The following CUX1 variants were observed in gnomAD, a reference collection of about 807,000 sequenced individuals.
CUX1 encodes the protein protein CASP.
In CUX1, 31 loss-of-function variants were observed where a neutral mutation model predicts 158.8. That is an observed-to-expected ratio of 0.20 (90% confidence interval 0.15 to 0.26). The LOEUF is 0.26. Among genes scored for constraint, CUX1 ranks in the 10% least tolerant of loss-of-function variants. The pLI is 1.00. For synonymous variants in CUX1, 879 were observed against 862.1 expected (o/e 1.02, Z -0.34); for missense variants, 1,589 against 2,014.6 (o/e 0.79, Z 4.04).
chr7:101,916,190 G>A lies in CUX1; in HGVS notation c.106G>A (p.Glu36Lys), dbSNP rs1404930496. 1.2e-6 allele frequency: 2 copies of A among 1,613,830 alleles called. No individual in the cohort carries two copies. Among genetic ancestry groups the A allele is most frequent in the Non-Finnish European group, 1.7e-6 (2 of 1,179,818 alleles). The stretch of plus-strand genomic sequence containing the variant: ...TGAGCAGTCCAGAAAGCGGCTTATC[G>A]AACAGAGCCGGGAGTTCAAGAAGAA... The part of the protein sequence containing the change: ...ESEQSRKRLI[E>K]QSREFKKNTP... Residue 36 changes from glutamate to lysine, a missense_variant, in exon 2 of 24, where the codon GAA (glutamate) becomes AAA (lysine). Physicochemically the swap from Glu to Lys is moderately conservative, Grantham distance 56. Around this residue, in one of 8 missense-constraint regions of CUX1, gnomAD observed 63 missense variants for 109.2 expected, o/e 0.58. Coordinates refer to ENST00000292535, the MANE Select transcript of CUX1 (RefSeq NM_181552.4). This position sits in a 1 kb window ranked among gnomAD's most constrained non-coding sequence, Gnocchi z 4.4.
rs1554541523 is a variant in CUX1, at chr7:102,254,969, T to TA, written c.*5928dup. 1 of 985,286 alleles carries TA rather than the reference T, an allele frequency of 1.0e-6. No individual in the cohort carries two copies. The highest frequency in any genetic ancestry group is 1.7e-5 in the African/African-American group (1 of 57,196). 61.0% of individuals were successfully genotyped at this position (985,286 alleles called of 1,614,324 possible). On this transcript the variant is annotated 3_prime_UTR_variant, in exon 24 of 24. Transcript: ENST00000292535. Reference sequence around the variant, plus strand: ...AGAAAGATCCAGTCTGTGAAACCCTTAGAGATGGGCTGAAAGTTAAGTCCA... The same window carrying TA: ...AGAAAGATCCAGTCTGTGAAACCCTTAAGAGATGGGCTGAAAGTTAAGTCCA...
intron 4 of CUX1, among the ~76,000 whole-genome samples, chr7:102,082,466 C>T (rs1294709133): frequency 6.8e-6 from 1 of 147,190 alleles, no homozygotes; most frequent in Non-Finnish European, 1.5e-5. Flanking sequence ...GTACAGTGAG[C>T]CAAGATCGCG....
intron 20 of CUX1, among the ~76,000 whole-genome samples, chr7:102,218,978 A>G (rs1386498680): frequency 2.0e-5 from 3 of 151,174 alleles, no homozygotes; most frequent in Non-Finnish European, 4.4e-5. Flanking sequence ...ACTTGAGCCC[A>G]GGAGGCAGAG....
intron 9 of CUX1, among the ~76,000 whole-genome samples, chr7:102,160,212 C>T (rs1349079059): frequency 6.6e-6 from 1 of 151,880 alleles, no homozygotes; most frequent in South Asian, 2.1e-4. Flanking sequence ...GAAGGAGTTA[C>T]CTTCATCATA....
intron 9 of CUX1, among the ~76,000 whole-genome samples, chr7:102,160,190 A>AT (rs35804196): frequency 0.11 from 16,119 of 151,734 alleles, 1,095 homozygotes; most frequent in Admixed American, 0.17. Flanking sequence ...AAAAAAAAAA[A>AT]AGCAGTTACT....
chr7:101,855,193 T>C (rs1796642137), intron 1 of CUX1, among the ~76,000 whole-genome samples: 1 of 152,258 alleles, frequency 6.6e-6, no homozygotes, highest in Admixed American at 6.5e-5. Context: ...ACCCCGTCCC[T>C]TGGAGCCTGG....
At chr7:102,170,097 A>G (rs1791542349) in intron 9 of CUX1, among the ~76,000 whole-genome samples, 3 of 152,324 alleles carry the variant, frequency 2.0e-5, no homozygotes, top group South Asian at 2.1e-4. Flanking sequence ...ATCCCGCAAT[A>G]AAATCTTCTT....
At chr7:102,194,064 T>C in intron 13 of CUX1, 174 bp downstream of exon 13, 1 of 696,078 alleles carries the variant, frequency 1.4e-6, no homozygotes, top group South Asian at 1.8e-5. Flanking sequence ...TTTTTTTTTG[T>C]CTCCTTTTTT....
At chr7:102,072,656 A>C (rs938247043) in intron 4 of CUX1, among the ~76,000 whole-genome samples, 1 of 152,174 alleles carries the variant, frequency 6.6e-6, no homozygotes, top group African/African-American at 2.4e-5. Context: ...TAGGCGTGGC[A>C]AGTGGGGGTT....
intron 3 of CUX1, among the ~76,000 whole-genome samples, chr7:102,057,191 G>A (rs754730236): frequency 1.1e-4 from 16 of 152,142 alleles, no homozygotes; most frequent in African/African-American, 1.9e-4. Context: ...ATGAGCCACC[G>A]CGCCTAGCCG....
At chr7:102,214,446 C>T (rs1362283784) in intron 20 of CUX1, among the ~76,000 whole-genome samples, 1 of 152,196 alleles carries the variant, frequency 6.6e-6, no homozygotes, top group Non-Finnish European at 1.5e-5. Flanking sequence ...ATTGCCTGAG[C>T]CCAGGAGTTG....
Position 102,243,677 on chromosome 7 carries a change from T to TAATAATAATAAA in CUX1, c.3887+4095_3887+4096insTAATAATAAAAA, listed in dbSNP as rs544002750. ...ATAATAATAATAATAATAATAATAA[T>TAATAATAATAAA]AAAATAAATGAAGGAGAAGTGAGCA... On this transcript the variant is annotated intron_variant, in intron 23 of 23. Coordinates refer to ENST00000292535, the MANE Select transcript of CUX1 (RefSeq NM_181552.4). 2.8e-3 allele frequency among the ~76,000 whole-genome samples: 388 copies of TAATAATAATAAA among 139,026 alleles called. 3 individuals are homozygous for TAATAATAATAAA. The highest frequency in any genetic ancestry group is 7.2e-3 in the African/African-American group (254 of 35,468). 91.2% of individuals were successfully genotyped at this position (139,026 alleles called of 152,430 possible). A position where few individuals can be genotyped will look rare whatever the true frequency, so the allele number is the denominator to read the frequency against.
chr7:102,082,813 T>C (rs1827571602), intron 4 of CUX1, among the ~76,000 whole-genome samples: 1 of 147,640 alleles, frequency 6.8e-6, no homozygotes, highest in South Asian at 2.2e-4. Context: ...ATGAATGATA[T>C]TCCACTGTGT....
chr7:102,160,799 C>T (rs1233622575), intron 9 of CUX1, among the ~76,000 whole-genome samples: 4 of 151,994 alleles, frequency 2.6e-5, no homozygotes, highest in South Asian at 2.1e-4. Context: ...GAGGGAAATA[C>T]GAAGTTGTTG....
At chr7:102,040,944 C>T (rs1177220848) in intron 3 of CUX1, among the ~76,000 whole-genome samples, 2 of 152,124 alleles carry the variant, frequency 1.3e-5, no homozygotes, top group Non-Finnish European at 2.9e-5. Context: ...GGTTGACTAT[C>T]GCTAGCAGAA....
At chr7:101,950,295 C>T (rs1174036227) in intron 2 of CUX1, among the ~76,000 whole-genome samples, 1 of 152,108 alleles carries the variant, frequency 6.6e-6, no homozygotes, top group African/African-American at 2.4e-5. Flanking sequence ...CAGGCGTGAG[C>T]CACTGCGCTC....
chr7:102,275,071 C>T (rs1791512272), intron 16 of CUX1, among the ~76,000 whole-genome samples: 1 of 152,154 alleles, frequency 6.6e-6, no homozygotes, highest in African/African-American at 2.4e-5. Context: ...CCCCGGTTCC[C>T]CTGGCTGTCC....
chr7:102,061,195 A>T (rs989481380), intron 3 of CUX1, among the ~76,000 whole-genome samples: 4 of 152,020 alleles, frequency 2.6e-5, no homozygotes, highest in Non-Finnish European at 5.9e-5. Flanking sequence ...AAGTGCTGGG[A>T]TTTACAGGCG....
intron 2 of CUX1, among the ~76,000 whole-genome samples, chr7:101,920,864 TG>T (rs1248451022): frequency 1.3e-5 from 2 of 152,210 alleles, no homozygotes; most frequent in African/African-American, 2.4e-5. Context: ...TCTATATTTT[TG>T]TTTTTTTTGG....
Sources: gnomAD v4.1 joint callset for allele counts (sites outside exome capture counted in the v4.1 genomes callset) on GRCh38, gnomAD v4.1.1 for gene constraint, gnomAD v4.1.1 regional missense constraint, Gnocchi (gnomAD v3.1) non-coding constraint, MANE v1.5 for transcripts, NCBI Gene and HGNC (gene_info 2026-07-23, HGNC 2026-07-21) for gene names.